SOD2: variants seen among roughly 807,000 people sequenced by gnomAD.
The protein encoded by SOD2 is superoxide dismutase 2.
In SOD2, 11 loss-of-function variants were observed where a neutral mutation model predicts 27.0. The ratio of observed to expected loss-of-function variants is 0.41; its 90% CI spans 0.26 to 0.67. The LOEUF (loss-of-function observed/expected upper bound fraction) is 0.67, where lower values mean the gene tolerates loss of function less well. SOD2 is among the 30% of genes least tolerant of loss of function. The pLI, the probability that SOD2 is intolerant of heterozygous loss-of-function variation, is 0.34. For synonymous variants in SOD2, 105 were observed against 103.0 expected, an observed-to-expected ratio of 1.02 and a Z score of -0.12; for missense variants, 250 against 274.5, an observed-to-expected ratio of 0.91 and a Z score of 0.63.
At chr6:159,713,619 C>A in intron 1 of SOD2, 1 of 1,012,346 alleles carries the variant, frequency 9.9e-7, no homozygotes. Context: ...AATGAACAAT[C>A]TCTTCCTTGG....
intron 1 of SOD2, among the ~76,000 whole-genome samples, chr6:159,743,953 A>C (rs1417562343): frequency 6.6e-6 from 1 of 152,158 alleles, no homozygotes; most frequent in African/African-American, 2.4e-5. Flanking sequence ...AAATTTTGAT[A>C]ATGTCTCATT....
At chr6:159,718,399 C>G (rs1260281347) in intron 1 of SOD2, among the ~76,000 whole-genome samples, 1 of 151,968 alleles carries the variant, frequency 6.6e-6, no homozygotes, top group African/African-American at 2.4e-5. Flanking sequence ...CATGGGAACG[C>G]AGATATCTCA....
upstream of SOD2, chr6:159,727,360 C>A: frequency 2.5e-6 from 2 of 795,522 alleles, no homozygotes; most frequent in South Asian, 1.9e-5. Flanking sequence ...GCGAACATGG[C>A]GGAGCGGGGA....
At chr6:159,755,505 C>T (rs1428205610) in intron 1 of SOD2, 9 of 1,614,144 alleles carry the variant, frequency 5.6e-6, no homozygotes, top group Non-Finnish European at 7.6e-6. Context: ...AGTCATGACC[C>T]TCAAGAGGAG....
At chr6:159,750,535 A>G (rs1439486511) in intron 1 of SOD2, among the ~76,000 whole-genome samples, 1 of 152,210 alleles carries the variant, frequency 6.6e-6, no homozygotes, top group Non-Finnish European at 1.5e-5. Flanking sequence ...GGGTATCATC[A>G]AGATAATTTC....
upstream of SOD2, among the ~76,000 whole-genome samples, chr6:159,747,870 A>G (rs1583100951): frequency 7.0e-6 from 1 of 142,936 alleles, no homozygotes; most frequent in Non-Finnish European, 1.5e-5. Flanking sequence ...AATGGCCTCA[A>G]TTCCTAAGTG....
intron 1 of SOD2, among the ~76,000 whole-genome samples, chr6:159,710,212 A>G (rs1777705643): frequency 6.6e-6 from 1 of 151,666 alleles, no homozygotes; most frequent in South Asian, 2.1e-4. Flanking sequence ...ATGCATACAT[A>G]TGTAACAAAC....
Position 159,670,742 on chromosome 6 carries a change from T to C in SOD2, c.*11751A>G, listed in dbSNP as rs1779637493. ...TCACTGGGGCTTGTTGGACAGTGGGTGTAGGACGGTGGGTGCAGCCCACTG... is the reference window on the plus strand; with the variant it reads ...TCACTGGGGCTTGTTGGACAGTGGGCGTAGGACGGTGGGTGCAGCCCACTG... On this transcript the variant is annotated 3_prime_UTR_variant, in exon 5 of 5. Transcript: ENST00000538183. The C allele has an allele frequency of 6.6e-6, 1 of 152,526 alleles. No homozygotes were observed. The highest frequency in any genetic ancestry group is 2.4e-5 in the African/African-American group (1 of 41,404). 9.4% of individuals were successfully genotyped at this position (152,526 alleles called of 1,614,324 possible). A position where few individuals can be genotyped will look rare whatever the true frequency, so the allele number is the denominator to read the frequency against.
chr6:159,737,090 C>G (rs1297607616), intron 1 of SOD2, among the ~76,000 whole-genome samples: 6 of 152,174 alleles, frequency 3.9e-5, no homozygotes, highest in African/African-American at 1.4e-4. Context: ...CTCTCTTGCC[C>G]AGGTTGGAGT....
Position 159,692,874 on chromosome 6 carries a change from G to C in SOD2, c.24-11C>G. 1 of 1,591,646 alleles carries C rather than the reference G, an allele frequency of 6.3e-7. No individual in the cohort carries two copies. The highest frequency in any genetic ancestry group is 8.5e-7 in the Non-Finnish European group (1 of 1,170,496). Reference sequence around the variant, plus strand: ...AGCTGCCTGCTGGTGCTGAAGACGAGAAAGCACAGCCCGGTCAGTCAGCGC... The same window carrying C: ...AGCTGCCTGCTGGTGCTGAAGACGACAAAGCACAGCCCGGTCAGTCAGCGC... On this transcript the variant is annotated splice_polypyrimidine_tract_variant and intron_variant, in intron 1 of 4. Coordinates refer to ENST00000538183, the MANE Select transcript of SOD2 (RefSeq NM_000636.4).
chr6:159,690,014 T>A (rs1583016373), intron 2 of SOD2, among the ~76,000 whole-genome samples: 1 of 149,952 alleles, frequency 6.7e-6, no homozygotes, highest in Non-Finnish European at 1.5e-5. Context: ...CCAGGTGAGG[T>A]GGCTCACGCC....
chr6:159,721,772 G>T (rs573517325), intron 1 of SOD2, among the ~76,000 whole-genome samples: 1 of 142,526 alleles, frequency 7.0e-6, no homozygotes, highest in African/African-American at 2.6e-5. Flanking sequence ...TGATCTGCTA[G>T]CCTCGGCCTC....
At chr6:159,690,621 G>GT (rs3839349) in intron 2 of SOD2, among the ~76,000 whole-genome samples, 116,501 of 151,812 alleles carry the variant, frequency 0.77, 45,160 homozygotes, top group South Asian at 0.85. Context: ...TTTACAAACA[G>GT]TTTTTTATAG....
chr6:159,684,602 G>A (rs1583006423), intron 4 of SOD2, among the ~76,000 whole-genome samples: 1 of 152,084 alleles, frequency 6.6e-6, no homozygotes. Flanking sequence ...GGGCAACAGT[G>A]AGATCTGTCT....
In SOD2 at chr6:159,672,565, C is replaced by T. The variant is rs1779689301; in HGVS notation, c.*9928G>A. 6.6e-6 allele frequency: 1 copy of T among 152,170 alleles called. No individual in the cohort carries two copies. The highest frequency in any genetic ancestry group is 1.9e-4 in the East Asian group (1 of 5,202). 9.4% of individuals were successfully genotyped at this position (152,170 alleles called of 1,614,324 possible). On this transcript the variant is annotated 3_prime_UTR_variant, in exon 5 of 5. Transcript: ENST00000538183. ...GCTGAGAGATTTTGTCACCACCAGGCCTGCCTTACAAGAGCTCCTGAAGGA... is the reference window on the plus strand; with the variant it reads ...GCTGAGAGATTTTGTCACCACCAGGTCTGCCTTACAAGAGCTCCTGAAGGA...
upstream of SOD2, among the ~76,000 whole-genome samples, chr6:159,697,777 G>C (rs1777449591): frequency 6.6e-6 from 1 of 152,226 alleles, no homozygotes; most frequent in Non-Finnish European, 1.5e-5. Flanking sequence ...AGGTAGTAAG[G>C]GGGATATGAA....
intron 1 of SOD2, among the ~76,000 whole-genome samples, chr6:159,750,711 G>A (rs950132470): frequency 5.3e-5 from 8 of 151,950 alleles, no homozygotes; most frequent in Middle Eastern, 3.4e-3. Context: ...GTATATTTCC[G>A]TTATATTAAG....
chr6:159,736,398 G>A (rs1322558283), intron 1 of SOD2: 2 of 941,702 alleles, frequency 2.1e-6, no homozygotes, highest in African/African-American at 1.7e-5. Flanking sequence ...ATCGTTGTTT[G>A]CTTATTTTTC....
chr6:159,750,811 C>T (rs1216766677), intron 1 of SOD2, among the ~76,000 whole-genome samples: 1 of 150,836 alleles, frequency 6.6e-6, no homozygotes, highest in Non-Finnish European at 1.5e-5. Flanking sequence ...ATAAATACAT[C>T]ACTAATTTGA....
Sources: allele counts gnomAD v4.1 joint callset (sites outside exome capture counted in the v4.1 genomes callset), GRCh38; gene constraint gnomAD v4.1.1; transcripts MANE v1.5; gene names NCBI Gene and HGNC (gene_info 2026-07-23, HGNC 2026-07-21).